Variants in SYCP2 observed in about 807,000 individuals in gnomAD.
SYCP2 encodes synaptonemal complex protein 2, also known as synaptonemal complex lateral element protein.
In SYCP2, 55 loss-of-function variants were observed where a neutral mutation model predicts 211.3. That is an observed-to-expected ratio of 0.26 (90% confidence interval 0.21 to 0.33). The LOEUF (loss-of-function observed/expected upper bound fraction) is 0.33, where lower values mean the gene tolerates loss of function less well. Ranked by LOEUF, SYCP2 falls within the 10% of genes least tolerant of loss-of-function variation. SYCP2 has a pLI of 1.00. For synonymous variants in SYCP2, 570 were observed against 555.2 expected (o/e 1.03, Z -0.37); for missense variants, 1,731 against 1,752.0 (o/e 0.99, Z 0.21).
chr20:59,877,383 A>G lies in SYCP2; in HGVS notation c.3150+2T>C, dbSNP rs1419171060. The G allele has an allele frequency of 1.9e-6, 3 of 1,557,214 alleles. No homozygotes were observed. The highest frequency in any genetic ancestry group is 2.6e-6 in the Non-Finnish European group (3 of 1,160,958). Reference sequence around the variant, plus strand: ...AAATTAATCTGAACTGTATCTATTTACCTTTACTGGTATGTTCTCTTTAAA... The same window carrying G: ...AAATTAATCTGAACTGTATCTATTTGCCTTTACTGGTATGTTCTCTTTAAA... On this transcript the variant is annotated splice_donor_variant, in intron 33 of 44. Coordinates refer to ENST00000357552, the MANE Select transcript of SYCP2 (RefSeq NM_014258.4). LOFTEE classifies it high-confidence loss of function.
chr20:59,895,708 G>A, intron 19 of SYCP2, 111 bp from the exon 20 acceptor site: 1 of 1,278,374 alleles, frequency 7.8e-7, no homozygotes. Context: ...TGGTTCCCAG[G>A]TTTCTGGCTT....
intron 39 of SYCP2, 140 bp downstream of exon 39, chr20:59,867,571 C>A: frequency 1.7e-6 from 1 of 589,586 alleles, no homozygotes; most frequent in Non-Finnish European, 2.8e-6. Flanking sequence ...GATTTTATTC[C>A]AATTATTCAC....
chr20:59,897,236 G>A (rs2060027223), intron 18 of SYCP2, among the ~76,000 whole-genome samples: 1 of 152,000 alleles, frequency 6.6e-6, no homozygotes, highest in South Asian at 2.1e-4. Context: ...CTAGAACAGG[G>A]GAAAAAATGA....
chr20:59,884,564 T>C (rs922559478), intron 26 of SYCP2, among the ~76,000 whole-genome samples: 5 of 152,098 alleles, frequency 3.3e-5, no homozygotes, highest in African/African-American at 1.2e-4. Flanking sequence ...TTTCTTTCCG[T>C]TATTTTATAT....
chr20:59,909,318 A>G (rs989409272), intron 14 of SYCP2, among the ~76,000 whole-genome samples: 1 of 152,194 alleles, frequency 6.6e-6, no homozygotes, highest in African/African-American at 2.4e-5. Flanking sequence ...CTTCTTTTTA[A>G]AAAATTACAA....
At chr20:59,911,955 G>A in intron 13 of SYCP2, 110 bp from the exon 14 acceptor site, 2 of 448,412 alleles carry the variant, frequency 4.5e-6, no homozygotes, top group Non-Finnish European at 8.0e-6. Flanking sequence ...GAAGGAGAGA[G>A]AAGAGAAAGA....
intron 39 of SYCP2, 74 bp from the exon 40 acceptor site, chr20:59,866,663 A>G (rs1275465444): frequency 2.1e-6 from 2 of 964,768 alleles, no homozygotes; most frequent in Non-Finnish European, 3.0e-6. Context: ...GTAACAGCAA[A>G]TAATTTTCCA....
At chr20:59,911,559 A>G (rs2060327399) in intron 14 of SYCP2, among the ~76,000 whole-genome samples, 191 bp downstream of exon 14, 1 of 151,976 alleles carries the variant, frequency 6.6e-6, no homozygotes, top group South Asian at 2.1e-4. Context: ...TTCTTATACA[A>G]TAAAACATCA....
chr20:59,874,178 C>T (rs1600819596), intron 34 of SYCP2, 117 bp from the exon 35 acceptor site: 9 of 540,076 alleles, frequency 1.7e-5, no homozygotes, highest in Middle Eastern at 5.1e-4. Flanking sequence ...CAAATCTTAG[C>T]TATAAAAAAG....
Position 59,895,575 on chromosome 20 carries a change from T to C in SYCP2, c.1527A>G (p.Arg509=). 2 of 1,612,692 alleles carry C rather than the reference T, an allele frequency of 1.2e-6. No homozygotes were observed. The highest frequency in any genetic ancestry group is 2.2e-5 in the South Asian group (2 of 90,874). Residue 509 remains arginine, a synonymous_variant, in exon 20 of 45, where the codon AGA becomes AGG. Transcript: ENST00000357552. ...SNTSIPPRRR[R]IKPPLQMTSS... ...TCGTCATTTGCAGTGGTGGTTTAAT[T>C]CTTCTTCTTCGTGGTGGTATTGCTA...
intron 31 of SYCP2, among the ~76,000 whole-genome samples, chr20:59,879,822 A>AATATATAT (rs1159547809): frequency 3.7e-3 from 187 of 50,968 alleles, no homozygotes; most frequent in Middle Eastern, 0.013. Flanking sequence ...AATATAAATA[A>AATATATAT]ATATATATAT....
chr20:59,865,670 A>C lies in SYCP2; in HGVS notation c.4380-19T>G. On this transcript the variant is annotated intron_variant, in intron 42 of 44. Transcript: ENST00000357552. ...ATGAAGCCTAAGAAGTAAAATAATG[A>C]GTTAACCTTGTATTTATCAATAATT... 6.5e-7 allele frequency: 1 copy of C among 1,529,760 alleles called. No individual in the cohort carries two copies. Among genetic ancestry groups the C allele is most frequent in the African/African-American group, 1.4e-5 (1 of 72,044 alleles). The allele number at this position is 1,529,760 out of a possible 1,614,324, so 94.8% of individuals were successfully genotyped here. A position where few individuals can be genotyped will look rare whatever the true frequency, so the allele number is the denominator to read the frequency against.
intron 42 of SYCP2, 28 bp downstream of exon 42, chr20:59,865,778 AT>A: frequency 8.0e-7 from 1 of 1,242,352 alleles, no homozygotes; most frequent in Admixed American, 2.6e-5. Context: ...AATTTTATAG[AT>A]TATAGCCATT....
intron 2 of SYCP2, among the ~76,000 whole-genome samples, chr20:59,923,444 A>G (rs757897495): frequency 6.6e-6 from 1 of 152,006 alleles, no homozygotes; most frequent in Admixed American, 6.6e-5. Context: ...TATAAATAAT[A>G]AAGTCTGATG....
chr20:59,892,548 T>G lies in SYCP2; in HGVS notation c.1927+20A>C. ...GAAATTAACACTGAACTATTACATA[T>G]AGATAAAACTAAGTTTCACCTTGAT... is the stretch of plus-strand genomic sequence containing the variant. On this transcript the variant is annotated intron_variant, in intron 23 of 44. Coordinates refer to ENST00000357552, the MANE Select transcript of SYCP2 (RefSeq NM_014258.4). 1.3e-6 allele frequency: 2 copies of G among 1,594,726 alleles called. No homozygotes were observed. The highest frequency in any genetic ancestry group is 1.7e-6 in the Non-Finnish European group (2 of 1,173,322).
intron 14 of SYCP2, among the ~76,000 whole-genome samples, chr20:59,908,181 G>A (rs920414888): frequency 3.9e-5 from 6 of 152,238 alleles, no homozygotes; most frequent in Admixed American, 6.5e-5. Context: ...CCCGGGAGGC[G>A]GAGCTTGCAG....
chr20:59,874,122 T>C, intron 34 of SYCP2, 61 bp from the exon 35 acceptor site: 1 of 817,566 alleles, frequency 1.2e-6, no homozygotes, highest in Non-Finnish European at 1.8e-6. Context: ...ATGTCTGCTT[T>C]AGAAATAGCA....
chr20:59,877,335 T>A, intron 33 of SYCP2, 50 bp downstream of exon 33: 2 of 1,240,712 alleles, frequency 1.6e-6, no homozygotes, highest in Non-Finnish European at 2.1e-6. Context: ...AAATATATAT[T>A]TAGTATTTTA....
chr20:59,870,871 C>G (rs933412130), intron 35 of SYCP2, among the ~76,000 whole-genome samples: 2 of 151,644 alleles, frequency 1.3e-5, no homozygotes, highest in Non-Finnish European at 3.0e-5. Context: ...TGATGTCGCA[C>G]TAATTTGATA....
Sources: allele counts gnomAD v4.1 joint callset (sites outside exome capture counted in the v4.1 genomes callset), GRCh38; gene constraint gnomAD v4.1.1; transcripts MANE v1.5; gene names NCBI Gene and HGNC (gene_info 2026-07-23, HGNC 2026-07-21).